HDX: variants seen among roughly 807,000 people sequenced by gnomAD.
HDX encodes the protein chromosome X open reading frame 43.
In HDX, 19 loss-of-function variants were observed where a neutral mutation model predicts 45.2. The ratio of observed to expected loss-of-function variants is 0.42; its 90% CI spans 0.29 to 0.62. HDX has a LOEUF of 0.62. Ranked by LOEUF, HDX falls within the 20% of genes least tolerant of loss-of-function variation. The pLI is 0.20. For missense variants in HDX, 532 were observed against 493.9 expected (o/e 1.08, Z -0.73); for synonymous variants, 188 against 172.8 (o/e 1.09, Z -0.69).
intron 9 of HDX, 138 bp from the exon 10 acceptor site, chrX:84,326,438 C>T: frequency 2.3e-6 from 1 of 441,062 alleles, no homozygotes; most frequent in East Asian, 4.0e-5. Context: ...TAAAGGAATA[C>T]AAAGCATGGA....
intron 3 of HDX, 133 bp from the exon 4 acceptor site, chrX:84,469,708 AATAAC>A: frequency 9.6e-6 from 5 of 519,158 alleles, no homozygotes; most frequent in Non-Finnish European, 1.5e-5. Flanking sequence ...AAAAAGGTAA[AATAAC>A]AGAAAAACTG....
At chrX:84,484,964 A>G (rs1332019528) in intron 2 of HDX, among the ~76,000 whole-genome samples, 1 of 90,064 alleles carries the variant, frequency 1.1e-5, no homozygotes, top group Non-Finnish European at 2.1e-5. Context: ...CATTCTAAAA[A>G]TTTTGATAAA....
intron 5 of HDX, among the ~76,000 whole-genome samples, chrX:84,436,019 G>A (rs1156714461): frequency 4.2e-4 from 36 of 85,123 alleles, no homozygotes; most frequent in East Asian, 6.9e-4. Flanking sequence ...CAAAGACTTG[G>A]AACCAACCCA....
At chrX:84,356,904 A>G (rs2037501420) in intron 6 of HDX, among the ~76,000 whole-genome samples, 1 of 110,712 alleles carries the variant, frequency 9.0e-6, no homozygotes, top group South Asian at 3.9e-4. Flanking sequence ...TACAGGCGTG[A>G]GCCACCGCGC....
chrX:84,480,340 A>G (rs1602535297), intron 2 of HDX, among the ~76,000 whole-genome samples: 1 of 111,253 alleles, frequency 9.0e-6, no homozygotes, highest in Non-Finnish European at 1.9e-5. Flanking sequence ...TCATTTTTCT[A>G]TCTTGCCCTA....
chrX:84,346,017 A>G (rs1223442219), intron 6 of HDX, among the ~76,000 whole-genome samples: 2 of 111,496 alleles, frequency 1.8e-5, no homozygotes, highest in Non-Finnish European at 3.8e-5. Context: ...TATGAATTCT[A>G]TGTAATATAT....
chrX:84,468,981 G>T lies in HDX; in HGVS notation c.742C>A (p.Pro248Thr). ...PALHNLCGQK[P>T]TIRDPYCRTQ... is the part of the protein sequence containing the mutation. Reference sequence around the variant, plus strand: ...CTACAGTAAGGGTCTCTAATAGTTGGCTTTTGCCCACATAAGTTATGTAAT... The same window carrying T: ...CTACAGTAAGGGTCTCTAATAGTTGTCTTTTGCCCACATAAGTTATGTAAT... Residue 248 changes from proline (P) to threonine (T), a missense_variant, in exon 4 of 11, where the codon CCA becomes ACA. By Grantham distance (38) the Pro-to-Thr change is conservative. Coordinates refer to ENST00000373177, the MANE Select transcript of HDX (RefSeq NM_001177479.2). 1 of 1,211,529 alleles carries T rather than the reference G, an allele frequency of 8.3e-7. No individual in the cohort carries two copies.
At chrX:84,362,163 C>T (rs766795314) in intron 5 of HDX, among the ~76,000 whole-genome samples, 8 of 111,326 alleles carry the variant, frequency 7.2e-5, no homozygotes, top group Non-Finnish European at 1.1e-4. Context: ...AAGGAGATCA[C>T]GTAGCCCTAA....
At chrX:84,500,680 C>T (rs139047538) in intron 1 of HDX, among the ~76,000 whole-genome samples, 1,140 of 110,951 alleles carry the variant, frequency 0.01, 23 homozygotes, top group African/African-American at 0.037. Flanking sequence ...GGAGGACATC[C>T]TACGTGGAGG....
At chrX:84,428,404 G>A (rs1012925874) in intron 5 of HDX, among the ~76,000 whole-genome samples, 3 of 110,826 alleles carry the variant, frequency 2.7e-5, no homozygotes, top group African/African-American at 9.8e-5. Context: ...TATCTCTCAT[G>A]TTCATTTCCA....
intron 6 of HDX, among the ~76,000 whole-genome samples, chrX:84,359,161 T>G (rs2037558300): frequency 1.8e-5 from 2 of 111,345 alleles, no homozygotes; most frequent in Non-Finnish European, 3.8e-5. Flanking sequence ...CAATGATTGA[T>G]CAGTATAATT....
chrX:84,428,250 T>C, intron 5 of HDX, among the ~76,000 whole-genome samples: 1 of 110,761 alleles, frequency 9.0e-6, no homozygotes, highest in East Asian at 2.8e-4. Flanking sequence ...ACCCTGTCTT[T>C]CTATAAAATA....
At chrX:84,440,870 C>T (rs190269914) in intron 4 of HDX, among the ~76,000 whole-genome samples, 333 of 110,511 alleles carry the variant, frequency 3.0e-3, no homozygotes, top group Non-Finnish European at 5.2e-3. Context: ...GTTTTAAAAT[C>T]TATAGATAAT....
chrX:84,392,564 C>A (rs1436530740), intron 5 of HDX, among the ~76,000 whole-genome samples: 1 of 110,755 alleles, frequency 9.0e-6, no homozygotes, highest in Non-Finnish European at 1.9e-5. Context: ...GGTGTCTTTT[C>A]ATTTTTTGTG....
chrX:84,396,792 G>A, intron 5 of HDX, among the ~76,000 whole-genome samples: 1 of 111,100 alleles, frequency 9.0e-6, no homozygotes, highest in East Asian at 2.9e-4. Context: ...GAGTGCTCAA[G>A]GAGACAGGCT....
intron 9 of HDX, among the ~76,000 whole-genome samples, chrX:84,328,040 A>C (rs2036754395): frequency 9.2e-6 from 1 of 108,428 alleles, no homozygotes; most frequent in Non-Finnish European, 1.9e-5. Context: ...CTAGTCTTGA[A>C]CTCCTGGTCT....
rs185759715 is a variant in HDX at position 84,320,450 on chromosome X, T to C, written c.*1439A>G. 288 of 110,900 alleles carry C rather than the reference T, an allele frequency of 2.6e-3. 2 individuals carry two copies. The highest frequency in any genetic ancestry group is 9.0e-3 in the African/African-American group (278 of 30,744). 9.1% of individuals were successfully genotyped at this position (110,900 alleles called of 1,213,427 possible). On this transcript the variant is annotated 3_prime_UTR_variant, in exon 11 of 11. Transcript: ENST00000373177. ...AAAGACATTTATGACTGCCTTTCTG[T>C]GTTCATAAGTTAGTACTAGTAAATT...
chrX:84,480,515 T>C (rs1310547067), intron 2 of HDX, among the ~76,000 whole-genome samples: 1 of 111,611 alleles, frequency 9.0e-6, no homozygotes, highest in Non-Finnish European at 1.9e-5. Flanking sequence ...TTAAAGAAGT[T>C]CTCTTTTATG....
intron 5 of HDX, among the ~76,000 whole-genome samples, chrX:84,413,506 G>A (rs894885632): frequency 1.8e-5 from 2 of 111,369 alleles, no homozygotes; most frequent in African/African-American, 6.5e-5. Context: ...TCAAGATCAG[G>A]AATCTGCCGT....
Sources: allele counts gnomAD v4.1 joint callset (sites outside exome capture counted in the v4.1 genomes callset), GRCh38; gene constraint gnomAD v4.1.1; transcripts MANE v1.5; gene names NCBI Gene and HGNC (gene_info 2026-07-23, HGNC 2026-07-21).